PMS2: variants seen among roughly 807,000 people sequenced by gnomAD.
The protein encoded by PMS2 is mismatch repair endonuclease PMS2.
A neutral mutation model predicts 90.0 loss-of-function variants in PMS2; 69 were observed. That is an observed-to-expected ratio of 0.77 (90% confidence interval 0.63 to 0.94). The LOEUF (loss-of-function observed/expected upper bound fraction) is 0.94, where lower values mean the gene tolerates loss of function less well. Ranked by LOEUF, PMS2 falls within the 40% of genes least tolerant of loss-of-function variation. PMS2 has a pLI of 0.00. For missense variants in PMS2, 966 were observed against 1,040.2 expected (o/e 0.93, Z 0.98); for synonymous variants, 332 against 375.1 (o/e 0.89, Z 1.33).
intron 5 of PMS2, among the ~76,000 whole-genome samples, chr7:6,000,099 G>C (rs1394564137): frequency 6.6e-6 from 1 of 151,980 alleles, no homozygotes; most frequent in Non-Finnish European, 1.5e-5. Flanking sequence ...ATAGGGCCAG[G>C]CATGATGGTT....
rs758252115 is a variant in PMS2, at chr7:5,989,910, A to T, written c.1034T>A (p.Leu345Gln). The T allele has an allele frequency of 6.2e-7, 1 of 1,611,990 alleles. No individual in the cohort carries two copies. Among genetic ancestry groups the T allele is most frequent in the Non-Finnish European group, 8.5e-7 (1 of 1,178,574 alleles). Residue 345 changes from leucine to glutamine, a missense_variant, in exon 10 of 15, where the codon CTA becomes CAA. By Grantham distance (113) the Leu-to-Gln change is moderately radical. This residue lies in a region of PMS2 where 871 missense variants were observed against 802.4 expected (regional missense o/e 1.09). Coordinates refer to ENST00000265849, the MANE Select transcript of PMS2 (RefSeq NM_000535.7). ...TGCCAACAAAAGCTTTTCCTCTTGT[A>T]GCAAAATTTGCCTTTTATCTGGAGT... ...NVTPDKRQIL[L>Q]QEEKLLLAVL... is the part of the protein sequence containing the mutation.
At chr7:5,988,919 A>T (rs1194676090) in intron 10 of PMS2, among the ~76,000 whole-genome samples, 1 of 152,040 alleles carries the variant, frequency 6.6e-6, no homozygotes, top group East Asian at 2.0e-4. Flanking sequence ...GCAGTGGCAC[A>T]ATCTTGGCTC....
chr7:5,997,551 GTT>G, intron 6 of PMS2, 128 bp from the exon 7 acceptor site: 1 of 674,874 alleles, frequency 1.5e-6, no homozygotes, highest in Non-Finnish European at 2.6e-6. Flanking sequence ...CTTTTGTTTT[GTT>G]TTGTTTTTTG....
chr7:5,990,950 G>C (rs1004710104), intron 9 of PMS2, among the ~76,000 whole-genome samples: 4 of 152,154 alleles, frequency 2.6e-5, no homozygotes, highest in African/African-American at 7.2e-5. Context: ...AGGAATCGGA[G>C]GTTACAGTGA....
intron 11 of PMS2, among the ~76,000 whole-genome samples, chr7:5,983,413 CA>C (rs1782521651): frequency 6.6e-6 from 1 of 151,406 alleles, no homozygotes; most frequent in East Asian, 1.9e-4. Context: ...TCGGCTTAAC[CA>C]TCCCACTTTC....
rs565853848 is a variant in PMS2 at position 6,005,884 on chromosome 7, A to C, written c.163+8T>G. ...ATTTCTTGTGGCTTAAAACTCTCCCAAACTTACCAATATTAGTGGCACCAG... is the reference window on the plus strand; with the variant it reads ...ATTTCTTGTGGCTTAAAACTCTCCCCAACTTACCAATATTAGTGGCACCAG... On this transcript the variant is annotated splice_region_variant and intron_variant, in intron 2 of 14. Coordinates refer to ENST00000265849, the MANE Select transcript of PMS2 (RefSeq NM_000535.7). 6.2e-7 allele frequency: 1 copy of C among 1,610,794 alleles called. No individual in the cohort carries two copies. The highest frequency in any genetic ancestry group is 1.1e-5 in the South Asian group (1 of 90,986).
chr7:6,002,168 T>G (rs972527403), intron 5 of PMS2: 4 of 355,248 alleles, frequency 1.1e-5, no homozygotes, highest in Non-Finnish European at 2.1e-5. Context: ...TAGCTGGAAC[T>G]ACAGGTACAT....
At position 5,987,210 on chromosome 7, in the gene PMS2, A is replaced by G. The variant is rs370236216; in HGVS notation, c.1555T>C (p.Tyr519His). 27 of 1,613,886 alleles carry G rather than the reference A, an allele frequency of 1.7e-5. No individual in the cohort carries two copies. The African/African-American group carries it at 3.2e-4, about 19-fold the overall frequency. ...PDTGSHCSSEYAASSPGDRGS... is the reference protein window; with the variant it reads ...PDTGSHCSSEHAASSPGDRGS... ...CTGTCCCCTGGGGAGCTGGCCGCAT[A>G]CTCGCTGCTGCAGTGACTGCCCGTG... Residue 519 changes from tyrosine (Y) to histidine (H), a missense_variant, in exon 11 of 15, where the codon TAT becomes CAT. Tyr to His is a moderately conservative substitution (Grantham distance 83, BLOSUM62 2). Around this residue, in one of 2 missense-constraint regions of PMS2, gnomAD observed 871 missense variants for 802.4 expected, o/e 1.09. Coordinates refer to ENST00000265849, the MANE Select transcript of PMS2 (RefSeq NM_000535.7).
At chr7:5,992,178 T>G (rs1003850228) in intron 8 of PMS2, 121 bp from the exon 9 acceptor site, 11 of 667,932 alleles carry the variant, frequency 1.6e-5, no homozygotes, top group East Asian at 2.7e-5. Context: ...TTTTTGTTTT[T>G]TTTTTTTTTG....
At chr7:6,007,550 C>G (rs569016383) in intron 1 of PMS2, among the ~76,000 whole-genome samples, 105 of 152,302 alleles carry the variant, frequency 6.9e-4, no homozygotes, top group Non-Finnish European at 1.1e-3. Context: ...AAGAATGTAT[C>G]CCGTGTGTTC....
intron 10 of PMS2, among the ~76,000 whole-genome samples, chr7:5,987,977 C>T (rs549882329): frequency 2.1e-5 from 3 of 146,302 alleles, no homozygotes; most frequent in Admixed American, 7.1e-5. Context: ...CCCTTTAGCC[C>T]GGGAGGCAGA....
Position 5,978,356 on chromosome 7 carries a change from C to A in PMS2, c.2275+240G>T, listed in dbSNP as rs1781941852. On this transcript the variant is annotated intron_variant, in intron 13 of 14. Transcript: ENST00000265849. ...CGTGATCTCGGCTCACTGCAACCTCCACCTCCCGGGTTCAAGCGATTCTCC... is the reference window on the plus strand; with the variant it reads ...CGTGATCTCGGCTCACTGCAACCTCAACCTCCCGGGTTCAAGCGATTCTCC... Among the ~76,000 whole-genome samples the A allele has an allele frequency of 1.4e-5, 2 of 147,922 alleles. 1 individual carries two copies. The highest frequency in any genetic ancestry group is 3.0e-5 in the Non-Finnish European group (2 of 66,716).
chr7:5,989,896 G>A lies in PMS2; in HGVS notation c.1048C>T (p.Leu350Phe), dbSNP rs587782875. 22 of 1,611,922 alleles carry A rather than the reference G, an allele frequency of 1.4e-5. No individual in the cohort carries two copies. Among genetic ancestry groups the A allele is most frequent in the Non-Finnish European group, 1.8e-5 (21 of 1,178,548 alleles). The change falls in exon 10 of 15, where the codon CTT becomes TTT. Residue 350 changes from leucine (L) to phenylalanine (F), a missense_variant. By Grantham distance (22) the Leu-to-Phe change is conservative. Around this residue, in one of 2 missense-constraint regions of PMS2, gnomAD observed 871 missense variants for 802.4 expected, o/e 1.09. Coordinates refer to ENST00000265849, the MANE Select transcript of PMS2 (RefSeq NM_000535.7). Reference protein sequence around the residue: ...KRQILLQEEKLLLAVLKTSLI... With the variant: ...KRQILLQEEKFLLAVLKTSLI... The stretch of plus-strand genomic sequence containing the variant: ...GAGGTCTTTAAAACTGCCAACAAAA[G>A]CTTTTCCTCTTGTAGCAAAATTTGC...
At chr7:6,001,623 C>A (rs1177756043) in intron 5 of PMS2, among the ~76,000 whole-genome samples, 1 of 152,102 alleles carries the variant, frequency 6.6e-6, no homozygotes, top group East Asian at 1.9e-4. Flanking sequence ...CCCGCCTCAG[C>A]CTCCCAAAGT....
At chr7:6,004,179 T>A (rs1165575084) in intron 2 of PMS2, 121 bp from the exon 3 acceptor site, 48 of 660,460 alleles carry the variant, frequency 7.3e-5, no homozygotes, top group Non-Finnish European at 1.1e-4. Context: ...TAGTTAAACA[T>A]ACTAGTGTCA....
chr7:6,001,058 T>C (rs1028999396), intron 5 of PMS2, among the ~76,000 whole-genome samples: 2 of 152,156 alleles, frequency 1.3e-5, no homozygotes, highest in Admixed American at 1.3e-4. Flanking sequence ...TAGCTGCATA[T>C]GTTTAAGTAA....
chr7:6,005,454 T>C (rs1333466157), intron 2 of PMS2, among the ~76,000 whole-genome samples: 1 of 152,206 alleles, frequency 6.6e-6, no homozygotes, highest in Non-Finnish European at 1.5e-5. Context: ...TCCACCCGCC[T>C]TGGCCTCCCA....
chr7:5,982,710 C>G (rs2128701176), intron 12 of PMS2, 114 bp downstream of exon 12: 1 of 1,454,772 alleles, frequency 6.9e-7, no homozygotes, highest in South Asian at 1.2e-5. Flanking sequence ...CAAGGTCTTG[C>G]TGTGTTGTCC....
intron 7 of PMS2, among the ~76,000 whole-genome samples, chr7:5,996,204 T>G (rs1784372889): frequency 6.6e-6 from 1 of 151,726 alleles, no homozygotes; most frequent in Admixed American, 6.6e-5. Context: ...CAAAAGCAAG[T>G]GGAGGAAGAG....
Sources: gnomAD v4.1 joint callset for allele counts (sites outside exome capture counted in the v4.1 genomes callset) on GRCh38, gnomAD v4.1.1 for gene constraint, gnomAD v4.1.1 regional missense constraint, MANE v1.5 for transcripts, NCBI Gene and HGNC (gene_info 2026-07-23, HGNC 2026-07-21) for gene names.